RBFOX1: variants seen among roughly 807,000 people sequenced by gnomAD.
RBFOX1 encodes the protein RNA binding protein fox-1 homolog 1.
Under a neutral mutation model 57.7 loss-of-function variants are expected in RBFOX1, and 8 were observed. That is an observed-to-expected ratio of 0.14 (90% CI 0.08 to 0.25). The LOEUF is 0.25. Among genes scored for constraint, RBFOX1 ranks in the 10% least tolerant of loss-of-function variants. The pLI is 1.00. For synonymous variants in RBFOX1, 326 were observed against 222.4 expected, an observed-to-expected ratio of 1.47 and a Z score of -4.15; for missense variants, 611 against 548.5, an observed-to-expected ratio of 1.11 and a Z score of -1.14.
At chr16:5,783,664 C>A (rs188339889) in intron 3 of RBFOX1, among the ~76,000 whole-genome samples, 1 of 152,314 alleles carries the variant, frequency 6.6e-6, no homozygotes, top group South Asian at 2.1e-4. Context: ...ACCCCAGGCA[C>A]ATTTCCCTTG....
chr16:5,712,522 C>G (rs2051530354), intron 3 of RBFOX1, among the ~76,000 whole-genome samples: 1 of 152,298 alleles, frequency 6.6e-6, no homozygotes, highest in Non-Finnish European at 1.5e-5. Flanking sequence ...TGTGAGGCCT[C>G]TCAGAGAATG....
intron 4 of RBFOX1, among the ~76,000 whole-genome samples, chr16:5,957,406 G>A (rs1054917032): frequency 6.6e-6 from 1 of 152,000 alleles, no homozygotes; most frequent in African/African-American, 2.4e-5. Flanking sequence ...GTAGAGATGG[G>A]GTTTCACCAT....
intron 2 of RBFOX1, among the ~76,000 whole-genome samples, chr16:5,595,516 T>C (rs1406741432): frequency 1.3e-5 from 2 of 152,170 alleles, no homozygotes; most frequent in Admixed American, 6.5e-5. Context: ...TGACAGCTGG[T>C]TCGGGACCCT....
At chr16:6,933,759 A>G (rs977584689) in intron 3 of RBFOX1, among the ~76,000 whole-genome samples, 2 of 152,238 alleles carry the variant, frequency 1.3e-5, no homozygotes, top group Admixed American at 1.3e-4. Context: ...GGAGTGGGGA[A>G]GAAGTATGGT....
At chr16:5,910,787 A>G (rs958793411) in intron 4 of RBFOX1, among the ~76,000 whole-genome samples, 1 of 152,146 alleles carries the variant, frequency 6.6e-6, no homozygotes, top group Non-Finnish European at 1.5e-5. Flanking sequence ...GTTTTTGCCC[A>G]TCTGAGTTTC....
At chr16:6,497,109 A>G (rs1041396044) in intron 2 of RBFOX1, among the ~76,000 whole-genome samples, 8 of 152,196 alleles carry the variant, frequency 5.3e-5, no homozygotes, top group Non-Finnish European at 1.0e-4. Flanking sequence ...TGAGGGAGCA[A>G]TTTTAGAGAA....
chr16:6,632,401 A>C (rs549570729), intron 2 of RBFOX1, among the ~76,000 whole-genome samples: 5 of 152,262 alleles, frequency 3.3e-5, no homozygotes, highest in African/African-American at 1.2e-4. Context: ...TATGGAGACC[A>C]GTTGTGTGTT....
chr16:7,222,270 A>C (rs2152856962), intron 4 of RBFOX1, among the ~76,000 whole-genome samples: 1 of 152,346 alleles, frequency 6.6e-6, no homozygotes, highest in Non-Finnish European at 1.5e-5. Flanking sequence ...AAGGAGTCTC[A>C]GAAGCGTAAG....
intron 3 of RBFOX1, among the ~76,000 whole-genome samples, chr16:6,882,303 G>C (rs144385309): frequency 1.8e-4 from 28 of 152,142 alleles, no homozygotes; most frequent in African/African-American, 6.0e-4. Context: ...CTGTGCACTG[G>C]GTCTCATCCT....
intron 2 of RBFOX1, among the ~76,000 whole-genome samples, chr16:5,491,483 C>G (rs994993105): frequency 6.6e-6 from 1 of 152,204 alleles, no homozygotes; most frequent in African/African-American, 2.4e-5. Context: ...TATAGGAGCA[C>G]TGTTTGTAAT....
intron 10 of RBFOX1, among the ~76,000 whole-genome samples, chr16:7,622,519 T>C (rs1295796070): frequency 6.6e-6 from 1 of 152,176 alleles, no homozygotes; most frequent in Admixed American, 6.5e-5. Flanking sequence ...CAATAAATAG[T>C]CAAGGAACAA....
chr16:5,579,928 T>C (rs1195580076), intron 2 of RBFOX1, among the ~76,000 whole-genome samples: 1 of 151,842 alleles, frequency 6.6e-6, no homozygotes, highest in African/African-American at 2.4e-5. Context: ...CCCGGCTAAT[T>C]TTTTTCTTTT....
At chr16:5,553,184 T>C (rs2045530841) in intron 2 of RBFOX1, among the ~76,000 whole-genome samples, 3 of 152,128 alleles carry the variant, frequency 2.0e-5, no homozygotes, top group African/African-American at 7.2e-5. Flanking sequence ...CTAATGTGAA[T>C]GATGAGTTGA....
chr16:5,684,163 TCTAAAAAGGATATCCCTGGAGGTGGGGA>T (rs1335459677), intron 3 of RBFOX1, among the ~76,000 whole-genome samples: 48 of 152,308 alleles, frequency 3.2e-4, no homozygotes, highest in African/African-American at 1.2e-3. Flanking sequence ...TCATCCTATA[TCTAAAAAGGATATCCCTGGAGGTGGGGA>T]GAGGATGGCG....
At position 7,016,514 on chromosome 16, in the gene RBFOX1, A is replaced by G. The variant is rs139951028; in HGVS notation, c.-15-35543A>G. The stretch of plus-strand genomic sequence containing the variant: ...GTGATAACAGACACAGCCACAGTGT[A>G]TTCAGCACACCTATGTGCCAAGCAT... On this transcript the variant is annotated intron_variant, in intron 3 of 15. Transcript: ENST00000550418. Among the ~76,000 whole-genome samples, 1,178 of 152,300 alleles carry G rather than the reference A, an allele frequency of 7.7e-3. 4 individuals carry two copies. Among genetic ancestry groups the G allele is most frequent in the Non-Finnish European group, 0.013 (891 of 68,020 alleles).
At chr16:6,567,656 C>T (rs2097286325) in intron 2 of RBFOX1, among the ~76,000 whole-genome samples, 1 of 152,142 alleles carries the variant, frequency 6.6e-6, no homozygotes, top group Admixed American at 6.5e-5. Context: ...AGCACTACAC[C>T]AGTGCCTGGC....
In RBFOX1 at chr16:7,630,513, T is replaced by C. The variant is rs2060780516; in HGVS notation, c.677-90T>C. On this transcript the variant is annotated intron_variant, in intron 10 of 15. Transcript: ENST00000550418. ...TCTGGGATGTGGCTATGTTTTCATT[T>C]CTCTGCATTTCTCGGTTGCATTGCC... 5.1e-6 allele frequency: 8 copies of C among 1,572,124 alleles called. No homozygotes were observed. The East Asian group carries it at 1.8e-4, about 36-fold the overall frequency.
intron 3 of RBFOX1, among the ~76,000 whole-genome samples, chr16:5,766,712 C>T (rs2053793844): frequency 6.6e-6 from 1 of 152,130 alleles, no homozygotes; most frequent in Non-Finnish European, 1.5e-5. Flanking sequence ...GCCCCACCTC[C>T]AATGTTGGGG....
intron 3 of RBFOX1, among the ~76,000 whole-genome samples, chr16:5,749,271 G>A (rs935982503): frequency 4.6e-5 from 7 of 152,070 alleles, no homozygotes; most frequent in African/African-American, 9.7e-5. Flanking sequence ...TGTGTAACCC[G>A]ACCTTTCTCT....
Sources: gnomAD v4.1 joint callset for allele counts (sites outside exome capture counted in the v4.1 genomes callset) on GRCh38, gnomAD v4.1.1 for gene constraint, MANE v1.5 for transcripts, NCBI Gene and HGNC (gene_info 2026-07-23, HGNC 2026-07-21) for gene names.